ATG7: variants seen among roughly 807,000 people sequenced by gnomAD.
The protein encoded by ATG7 is ubiquitin-like modifier-activating enzyme ATG7.
Under a neutral mutation model 82.4 loss-of-function variants are expected in ATG7, and 70 were observed. The ratio of observed to expected loss-of-function variants is 0.85; its 90% CI spans 0.70 to 1.04. The LOEUF is 1.04. Among genes scored for constraint, ATG7 ranks in the 50% least tolerant of loss-of-function variants. The pLI, the probability that ATG7 is intolerant of heterozygous loss-of-function variation, is 0.00. For synonymous variants in ATG7, 287 were observed against 313.0 expected, an observed-to-expected ratio of 0.92 and a Z score of 0.88; for missense variants, 792 against 864.3, an observed-to-expected ratio of 0.92 and a Z score of 1.05.
At chr3:11,404,065 G>C (rs2080095364) in intron 19 of ATG7, among the ~76,000 whole-genome samples, 1 of 150,440 alleles carries the variant, frequency 6.6e-6, no homozygotes, top group African/African-American at 2.4e-5. Flanking sequence ...TGGATTAATT[G>C]GTCAGAGCAT....
chr3:11,444,066 C>A (rs566424946), intron 20 of ATG7, among the ~76,000 whole-genome samples: 1 of 152,144 alleles, frequency 6.6e-6, no homozygotes, highest in Admixed American at 6.6e-5. Flanking sequence ...ATTTTTCAAA[C>A]AGAATTATGC....
At chr3:11,300,412 A>G (rs1232350283) in intron 5 of ATG7, among the ~76,000 whole-genome samples, 1 of 152,198 alleles carries the variant, frequency 6.6e-6, no homozygotes, top group Non-Finnish European at 1.5e-5. Flanking sequence ...AAAAAAATGT[A>G]TTTATAAATG....
chr3:11,367,069 G>A (rs559021967), intron 18 of ATG7, among the ~76,000 whole-genome samples: 3 of 151,106 alleles, frequency 2.0e-5, no homozygotes, highest in Admixed American at 6.6e-5. Context: ...TACTTTCTAA[G>A]AAAGAAAGTG....
At chr3:11,331,287 T>C in intron 9 of ATG7, 53 bp from the exon 10 acceptor site, 1 of 1,375,874 alleles carries the variant, frequency 7.3e-7, no homozygotes, top group South Asian at 1.2e-5. Context: ...AATGTCTGTA[T>C]TGTGAAGCTG....
rs1159797548 is a variant in ATG7, at chr3:11,555,176, C to T, written c.*333C>T. ...CCTTGGCCCTGAGGGGGTGACCCAA[C>T]ACAGACCAAATGGGGAAATGAGCAA... On this transcript the variant is annotated 3_prime_UTR_variant, in exon 21 of 21. Transcript: ENST00000693202. 6.4e-6 allele frequency: 2 copies of T among 314,290 alleles called. No individual in the cohort carries two copies. The highest frequency in any genetic ancestry group is 9.0e-4 in the Middle Eastern group (1 of 1,110). 19.5% of individuals were successfully genotyped at this position (314,290 alleles called of 1,614,324 possible). A position where few individuals can be genotyped will look rare whatever the true frequency, so the allele number is the denominator to read the frequency against.
At chr3:11,442,910 G>T (rs971901153) in intron 20 of ATG7, among the ~76,000 whole-genome samples, 1 of 151,994 alleles carries the variant, frequency 6.6e-6, no homozygotes, top group Non-Finnish European at 1.5e-5. Context: ...CACAAAGCAA[G>T]ACCTTGGCTG....
At chr3:11,403,410 A>C (rs1374692977) in intron 19 of ATG7, among the ~76,000 whole-genome samples, 1 of 152,066 alleles carries the variant, frequency 6.6e-6, no homozygotes, top group African/African-American at 2.4e-5. Flanking sequence ...ATTATGTCTA[A>C]AATGGTAATT....
intron 19 of ATG7, among the ~76,000 whole-genome samples, chr3:11,392,092 G>A (rs920906547): frequency 6.6e-6 from 1 of 152,084 alleles, no homozygotes; most frequent in African/African-American, 2.4e-5. Context: ...ATTTCTTATG[G>A]TCATGTTTCA....
intron 20 of ATG7, among the ~76,000 whole-genome samples, chr3:11,465,590 T>TA (rs1333238091): frequency 2.0e-5 from 3 of 151,058 alleles, no homozygotes; most frequent in African/African-American, 7.3e-5. Flanking sequence ...AAAAAGTTAG[T>TA]AAAAAATAAT....
At chr3:11,554,353 A>G (rs1255022795) in intron 20 of ATG7, among the ~76,000 whole-genome samples, 2 of 152,174 alleles carry the variant, frequency 1.3e-5, no homozygotes, top group Non-Finnish European at 2.9e-5. Context: ...TAGAGGGAAC[A>G]TGGAGCAGGT....
intron 20 of ATG7, among the ~76,000 whole-genome samples, chr3:11,445,130 A>G (rs551181303): frequency 2.0e-5 from 3 of 152,218 alleles, no homozygotes; most frequent in Non-Finnish European, 4.4e-5. Flanking sequence ...AAATCGTTGT[A>G]GAAAGCAGTG....
At chr3:11,290,866 G>A (rs1193833414) in intron 3 of ATG7, among the ~76,000 whole-genome samples, 1 of 152,020 alleles carries the variant, frequency 6.6e-6, no homozygotes, top group African/African-American at 2.4e-5. Flanking sequence ...TGTATTTTTA[G>A]TGGAGACGGG....
chr3:11,527,071 G>GTATATATATATA (rs59492212), intron 20 of ATG7, among the ~76,000 whole-genome samples: 5 of 127,418 alleles, frequency 3.9e-5, no homozygotes, highest in East Asian at 2.1e-4. Context: ...GTGTGTGTGT[G>GTATATATATATA]TATATATATA....
At chr3:11,365,236 CT>C (rs1450977952) in intron 18 of ATG7, among the ~76,000 whole-genome samples, 3 of 152,126 alleles carry the variant, frequency 2.0e-5, no homozygotes, top group Admixed American at 2.0e-4. Context: ...CCTGCTGTTT[CT>C]TTACTGTTGC....
chr3:11,346,355 T>G (rs1282806696), intron 13 of ATG7, among the ~76,000 whole-genome samples: 1 of 152,212 alleles, frequency 6.6e-6, no homozygotes, highest in African/African-American at 2.4e-5. Context: ...TTAGGATAAA[T>G]TGCTGGAAAT....
chr3:11,376,021 A>C (rs1303434243), intron 18 of ATG7, among the ~76,000 whole-genome samples: 1 of 152,262 alleles, frequency 6.6e-6, no homozygotes, highest in African/African-American at 2.4e-5. Context: ...AACACAATTG[A>C]ATATTATTTG....
intron 18 of ATG7, among the ~76,000 whole-genome samples, chr3:11,365,629 C>T (rs1483380864): frequency 1.3e-5 from 2 of 152,136 alleles, no homozygotes; most frequent in African/African-American, 4.8e-5. Flanking sequence ...CAGACTCAGA[C>T]GAGTGCAGAG....
At chr3:11,392,113 T>C (rs930042373) in intron 19 of ATG7, among the ~76,000 whole-genome samples, 2 of 152,328 alleles carry the variant, frequency 1.3e-5, no homozygotes, top group South Asian at 4.1e-4. Flanking sequence ...GACTGTAGCA[T>C]CTTGAAAGTC....
intron 20 of ATG7, among the ~76,000 whole-genome samples, chr3:11,464,952 A>G (rs1053899829): frequency 2.0e-5 from 3 of 152,194 alleles, no homozygotes; most frequent in African/African-American, 7.2e-5. Context: ...TCTTGGGCAC[A>G]TAGTAAACAC....
Sources: gnomAD v4.1 joint callset for allele counts (sites outside exome capture counted in the v4.1 genomes callset) on GRCh38, gnomAD v4.1.1 for gene constraint, MANE v1.5 for transcripts, NCBI Gene and HGNC (gene_info 2026-07-23, HGNC 2026-07-21) for gene names.